EYA2: variants seen among roughly 807,000 people sequenced by gnomAD.
EYA2 encodes the protein protein phosphatase EYA2.
EYA2 carries 31 observed loss-of-function variants against 69.2 expected under a neutral mutation model. The observed-to-expected ratio is 0.45, with a 90% CI of 0.34 to 0.60. EYA2 has a LOEUF of 0.60. Ranked by LOEUF, EYA2 falls within the 20% of genes least tolerant of loss-of-function variation. The pLI is 0.02. For missense variants in EYA2, 622 were observed against 701.2 expected, an observed-to-expected ratio of 0.89 and a Z score of 1.28; for synonymous variants, 257 against 279.4, an observed-to-expected ratio of 0.92 and a Z score of 0.80.
At chr20:47,087,647 C>T (rs1176401383) in intron 7 of EYA2, among the ~76,000 whole-genome samples, 3 of 152,214 alleles carry the variant, frequency 2.0e-5, no homozygotes, top group Admixed American at 6.5e-5. Flanking sequence ...GGGGACAGTG[C>T]TGCTTCACTT....
intron 5 of EYA2, among the ~76,000 whole-genome samples, chr20:47,031,289 G>T (rs1033641407): frequency 6.6e-6 from 1 of 152,202 alleles, no homozygotes; most frequent in Middle Eastern, 3.2e-3. Context: ...GAGCCAAGGG[G>T]AGAGGGGTGG....
intron 4 of EYA2, among the ~76,000 whole-genome samples, chr20:47,009,913 A>G (rs1303086298): frequency 6.6e-6 from 1 of 152,190 alleles, no homozygotes. Context: ...ATTCTTTTGC[A>G]ACTTGCTTTT....
rs1408653370 is a variant in EYA2 at position 47,188,107 on chromosome 20, C to A, written c.1591C>A (p.His531Asn). The A allele has an allele frequency of 6.3e-7, 1 of 1,587,588 alleles. No homozygotes were observed. The highest frequency in any genetic ancestry group is 8.6e-7 in the Non-Finnish European group (1 of 1,166,828). Reference sequence around the variant, plus strand: ...CCACGCAGACCTGGAGGCACTGAGGCACGCCCTGGAGCTGGAGTATTTATA... The same window carrying A: ...CCACGCAGACCTGGAGGCACTGAGGAACGCCCTGGAGCTGGAGTATTTATA... The part of the protein sequence containing the change: ...SCHADLEALR[H>N]ALELEYL Residue 531 changes from histidine (H) to asparagine (N), a missense_variant, in exon 16 of 16, where the codon CAC (histidine) becomes AAC (asparagine). His to Asn is a moderately conservative substitution (Grantham distance 68). Around this residue, in one of 2 missense-constraint regions of EYA2, gnomAD observed 257 missense variants for 351.5 expected, o/e 0.73. Transcript: ENST00000327619.
intron 15 of EYA2, among the ~76,000 whole-genome samples, chr20:47,185,913 A>G (rs912472846): frequency 1.3e-5 from 2 of 151,938 alleles, no homozygotes; most frequent in Non-Finnish European, 2.9e-5. Context: ...AGCACCTACT[A>G]TGTGTCAAGA....
chr20:47,027,410 A>G (rs1340777), intron 5 of EYA2, among the ~76,000 whole-genome samples: 100,277 of 152,056 alleles, frequency 0.66, 35,596 homozygotes, highest in Non-Finnish European at 0.8. Context: ...AAGTGGGTGA[A>G]GTTTCCCCAT....
At chr20:47,043,412 C>T (rs939205087) in intron 5 of EYA2, among the ~76,000 whole-genome samples, 8 of 152,190 alleles carry the variant, frequency 5.3e-5, no homozygotes, top group Non-Finnish European at 1.0e-4. Context: ...TGCCTTCCAA[C>T]ACAGCCAAGG....
At chr20:47,134,845 G>A (rs775803040) in intron 9 of EYA2, among the ~76,000 whole-genome samples, 3 of 151,748 alleles carry the variant, frequency 2.0e-5, no homozygotes, top group Non-Finnish European at 2.9e-5. Context: ...AACAGACAAC[G>A]GGCCGGGTGC....
intron 5 of EYA2, among the ~76,000 whole-genome samples, chr20:47,065,221 C>T (rs1170597249): frequency 6.6e-6 from 1 of 152,164 alleles, no homozygotes; most frequent in African/African-American, 2.4e-5. Flanking sequence ...TGGGTGGGGA[C>T]ACAGCCAAAC....
intron 1 of EYA2, among the ~76,000 whole-genome samples, chr20:46,954,493 T>C (rs1978996257): frequency 6.6e-6 from 1 of 152,250 alleles, no homozygotes; most frequent in African/African-American, 2.4e-5. Context: ...GACTTGTGGT[T>C]TGTGGACAAA....
chr20:46,970,374 G>A (rs1454464337), intron 1 of EYA2, among the ~76,000 whole-genome samples: 1 of 152,074 alleles, frequency 6.6e-6, no homozygotes, highest in East Asian at 1.9e-4. Flanking sequence ...TGACCCCAGG[G>A]GACATTTTGC....
chr20:46,933,770 G>A (rs1489600400), intron 1 of EYA2, among the ~76,000 whole-genome samples: 1 of 152,248 alleles, frequency 6.6e-6, no homozygotes, highest in East Asian at 1.9e-4. Flanking sequence ...GGGTTGGACT[G>A]TGCTTTAGTC....
chr20:47,187,962 G>A (rs2034679935), intron 15 of EYA2, 91 bp from the exon 16 acceptor site: 3 of 1,362,882 alleles, frequency 2.2e-6, no homozygotes, highest in Non-Finnish European at 3.1e-6. Flanking sequence ...GACTTAACTG[G>A]GTTGACTTCT....
chr20:46,941,008 T>C (rs6063040), intron 1 of EYA2, among the ~76,000 whole-genome samples: 85,777 of 152,120 alleles, frequency 0.56, 24,626 homozygotes, highest in African/African-American at 0.63. Flanking sequence ...GAGGCAACTA[T>C]GAAATCAACA....
chr20:47,025,397 T>G (rs1984021837), intron 5 of EYA2, among the ~76,000 whole-genome samples: 2 of 152,222 alleles, frequency 1.3e-5, no homozygotes, highest in Non-Finnish European at 1.5e-5. Flanking sequence ...TTGTCTATAT[T>G]CTTTTCACAG....
intron 1 of EYA2, among the ~76,000 whole-genome samples, chr20:46,987,753 C>T (rs1981324200): frequency 6.6e-6 from 1 of 151,618 alleles, no homozygotes; most frequent in Admixed American, 6.6e-5. Context: ...ATGGCAAAAC[C>T]CCGTCTCTAC....
At chr20:47,175,918 G>GATTC (rs770197672) in intron 12 of EYA2, among the ~76,000 whole-genome samples, 4 of 152,106 alleles carry the variant, frequency 2.6e-5, no homozygotes, top group African/African-American at 4.8e-5. Flanking sequence ...GCAGTAAGAA[G>GATTC]ATTCATTCAT....
intron 1 of EYA2, among the ~76,000 whole-genome samples, chr20:46,915,839 G>A (rs1037598274): frequency 8.6e-5 from 13 of 151,952 alleles, no homozygotes; most frequent in Middle Eastern, 3.4e-3. Context: ...CACAGTCCCC[G>A]CCCCTCCCTC....
chr20:46,983,473 GTT>G, intron 1 of EYA2, among the ~76,000 whole-genome samples: 1 of 152,264 alleles, frequency 6.6e-6, no homozygotes. Context: ...AGTTTTGAGT[GTT>G]TCTCAAGGCT....
chr20:46,898,332 A>T (rs777402394), intron 1 of EYA2, among the ~76,000 whole-genome samples: 2 of 149,460 alleles, frequency 1.3e-5, no homozygotes, highest in African/African-American at 4.9e-5. Context: ...GACTGTGCTC[A>T]AAAGGAATCT....
Sources: gnomAD v4.1 joint callset for allele counts (sites outside exome capture counted in the v4.1 genomes callset) on GRCh38, gnomAD v4.1.1 for gene constraint, gnomAD v4.1.1 regional missense constraint, MANE v1.5 for transcripts, NCBI Gene and HGNC (gene_info 2026-07-23, HGNC 2026-07-21) for gene names.